ADAM15: variants seen among roughly 807,000 people sequenced by gnomAD.
ADAM15 encodes the protein disintegrin and metalloproteinase domain-containing protein 15.
A neutral mutation model predicts 113.8 loss-of-function variants in ADAM15; 77 were observed. The ratio of observed to expected loss-of-function variants is 0.68; its 90% CI spans 0.56 to 0.82. The LOEUF (loss-of-function observed/expected upper bound fraction) is 0.82. ADAM15 is among the 40% of genes least tolerant of loss of function. The pLI is 0.00. For missense variants in ADAM15, 963 were observed against 1,120.1 expected (o/e 0.86, Z 2.00); for synonymous variants, 388 against 454.1 (o/e 0.85, Z 1.85).
In ADAM15 at chr1:155,060,422, C is replaced by A. The variant is rs1662415719; in HGVS notation, c.2207+79C>A. 15 of 1,574,954 alleles carry A rather than the reference C, an allele frequency of 9.5e-6. No homozygotes were observed. The Admixed American group carries it at 2.2e-4, about 23-fold the overall frequency. ...GGCTGCCTCACCTCTGCAGCCCCTG[C>A]CACCTGGTTCTGAGCCCCAGGCCCC... On this transcript the variant is annotated intron_variant, in intron 18 of 22. Transcript: ENST00000356955.
In ADAM15 at chr1:155,058,293, C is replaced by A; in HGVS notation, c.1769C>A (p.Pro590His). The change falls in exon 15 of 23, where the codon CCT (proline) becomes CAT (histidine). Residue 590 changes from proline (P) to histidine (H), a missense_variant. Transcript: ENST00000356955. The surrounding 1 kb of genome is among the most constrained non-coding windows in gnomAD (Gnocchi z 4.3). ...QLQCQTGRTQPLLGSIRDLLW... is the reference protein window; with the variant it reads ...QLQCQTGRTQHLLGSIRDLLW... ...CAGTGCCAGACAGGTAGGACCCAGC[C>A]TCTGCTGGGCTCCATCCGGGATCTA... is the stretch of plus-strand genomic sequence containing the variant. 1 of 1,614,032 alleles carries A rather than the reference C, an allele frequency of 6.2e-7. No individual in the cohort carries two copies. Among genetic ancestry groups the A allele is most frequent in the Non-Finnish European group, 8.5e-7 (1 of 1,180,030 alleles).
rs778284395 is a variant in ADAM15 at position 155,061,412 on chromosome 1, C to CA, written c.2278-2dup. 2 of 1,613,126 alleles carry CA rather than the reference C, an allele frequency of 1.2e-6. No homozygotes were observed. Among genetic ancestry groups the CA allele is most frequent in the Non-Finnish European group, 1.7e-6 (2 of 1,179,634 alleles). ...TGCCTATCTGCCCCTCCTGCCCTCT[C>CA]AGCAGGCTAGTGCTCTCAGCTTCCC... is the stretch of plus-strand genomic sequence containing the variant. On this transcript the variant is annotated splice_region_variant and splice_polypyrimidine_tract_variant and intron_variant, in intron 19 of 22. Transcript: ENST00000356955.
In ADAM15 at chr1:155,062,348, C is replaced by G; in HGVS notation, c.2528C>G (p.Pro843Arg). ...CTGCCCGGCCCAGGGGCTGGAATCC[C>G]GCCCCTAGTGGTACCCTCCAGGTAG... is the stretch of plus-strand genomic sequence containing the variant. ...GDLPGPGAGIPPLVVPSRPAP... is the reference protein window; with the variant it reads ...GDLPGPGAGIRPLVVPSRPAP... Residue 843 changes from proline to arginine, a missense_variant, in exon 22 of 23, where the codon CCG (proline) becomes CGG (arginine). Pro to Arg is a moderately radical substitution (Grantham distance 103). Coordinates refer to ENST00000356955, the MANE Select transcript of ADAM15 (RefSeq NM_207197.3). The surrounding 1 kb of genome is among the most constrained non-coding windows in gnomAD (Gnocchi z 7.0). 6.4e-7 allele frequency: 1 copy of G among 1,573,672 alleles called. No individual in the cohort carries two copies. The highest frequency in any genetic ancestry group is 8.6e-7 in the Non-Finnish European group (1 of 1,158,708).
At chr1:155,051,538 G>T in intron 1 of ADAM15, 73 bp downstream of exon 1, 1 of 1,379,578 alleles carries the variant, frequency 7.2e-7, no homozygotes, top group South Asian at 1.4e-5. Context: ...AGGCATTAGG[G>T]TAATGGGGCC....
chr1:155,052,439 C>T (rs1661173046), intron 1 of ADAM15: 4 of 1,476,016 alleles, frequency 2.7e-6, no homozygotes, highest in African/African-American at 1.4e-5. Context: ...CTGCGCAAGC[C>T]GAAAGTCTTT....
chr1:155,051,536 G>T, intron 1 of ADAM15, 71 bp downstream of exon 1: 1 of 1,386,730 alleles, frequency 7.2e-7, no homozygotes, highest in Non-Finnish European at 9.6e-7. Flanking sequence ...GAAGGCATTA[G>T]GGTAATGGGG....
In ADAM15 at chr1:155,051,441, C is replaced by T. The variant is rs769883732; in HGVS notation, c.55C>T (p.Pro19Ser). ...LGLLGAGSPLPSWPLPNIGGT... is the reference protein window; with the variant it reads ...LGLLGAGSPLSSWPLPNIGGT... ...GCTCCTGGGCGCGGGCAGCCCTCTGCCTTCCTGGCCGCTCCCAAATATAGG... is the reference window on the plus strand; with the variant it reads ...GCTCCTGGGCGCGGGCAGCCCTCTGTCTTCCTGGCCGCTCCCAAATATAGG... Residue 19 changes from proline to serine, a missense_variant, in exon 1 of 23, where the codon CCT becomes TCT. Pro to Ser is a moderately conservative substitution (Grantham distance 74, BLOSUM62 -1). Transcript: ENST00000356955. 306 of 1,568,074 alleles carry T rather than the reference C, an allele frequency of 2.0e-4. No individual in the cohort carries two copies. Among genetic ancestry groups the T allele is most frequent in the South Asian group, 4.1e-4 (35 of 85,550 alleles).
rs749811324 is a variant in ADAM15, at chr1:155,060,256, T to C, written c.2120T>C (p.Val707Ala). The part of the protein sequence containing the change: ...GLLLSLLVLL[V>A]LVMLGASYWY... ...CTCCTCAGCCTCCTGGTCTTATTGG[T>C]CCTGGTGATGCTTGGTGCCAGCTAC... The change falls in exon 18 of 23, where the codon GTC becomes GCC. Residue 707 changes from valine (V) to alanine (A), a missense_variant. Physicochemically the swap from Val to Ala is moderately conservative, Grantham distance 64. Coordinates refer to ENST00000356955, the MANE Select transcript of ADAM15 (RefSeq NM_207197.3). 4 of 1,613,978 alleles carry C rather than the reference T, an allele frequency of 2.5e-6. No individual in the cohort carries two copies. In the Admixed American group the frequency reaches 6.7e-5, roughly 27 times the overall value.
At chr1:155,051,668 CCCTGCCT>C (rs1310912104) in intron 1 of ADAM15, 5 of 472,738 alleles carry the variant, frequency 1.1e-5, no homozygotes, top group South Asian at 3.1e-5. Flanking sequence ...TGCCGGCGCC[CCCTGCCT>C]CCTGCCTGGT....
intron 20 of ADAM15, 108 bp from the exon 21 acceptor site, chr1:155,061,796 G>GC (rs1351162735): frequency 4.9e-6 from 6 of 1,228,562 alleles, no homozygotes; most frequent in African/African-American, 4.6e-5. Flanking sequence ...ATTCTCTCCT[G>GC]CCCCCTGGCT....
At position 155,056,935 on chromosome 1, in the gene ADAM15, A is replaced by C. The variant is rs1571613222; in HGVS notation, c.1000-18A>C. 6.5e-7 allele frequency: 1 copy of C among 1,541,080 alleles called. No homozygotes were observed. The highest frequency in any genetic ancestry group is 1.3e-5 in the South Asian group (1 of 79,164). On this transcript the variant is annotated intron_variant, in intron 10 of 22. Coordinates refer to ENST00000356955, the MANE Select transcript of ADAM15 (RefSeq NM_207197.3). This position sits in a 1 kb window ranked among gnomAD's most constrained non-coding sequence, Gnocchi z 4.0. Reference sequence around the variant, plus strand: ...GGCAGGCTGGGACTGGACCTACAGTACCCCTCCCCAATGACAGGACCACTC... The same window carrying C: ...GGCAGGCTGGGACTGGACCTACAGTCCCCCTCCCCAATGACAGGACCACTC...
Position 155,060,720 on chromosome 1 carries a change from C to G in ADAM15, c.2208-43C>G, listed in dbSNP as rs762302970. On this transcript the variant is annotated intron_variant, in intron 18 of 22. Transcript: ENST00000356955. ...GATGGCATATGGTAGAAAACAGGGT[C>G]TGAGGCTGGGCCCTCTCCCTTCTTG... 8 of 1,589,054 alleles carry G rather than the reference C, an allele frequency of 5.0e-6. No individual in the cohort carries two copies. In the South Asian group the frequency reaches 8.8e-5, roughly 18 times the overall value.
rs941837122 is a variant in ADAM15 at position 155,062,311 on chromosome 1, C to T, written c.2491C>T (p.Pro831Ser). Residue 831 changes from proline to serine, a missense_variant, in exon 22 of 23, where the codon CCA becomes TCA. Pro to Ser is a moderately conservative substitution (Grantham distance 74). Transcript: ENST00000356955. This position sits in a 1 kb window ranked among gnomAD's most constrained non-coding sequence, Gnocchi z 7.0. Reference sequence around the variant, plus strand: ...GCCTGCCGACCCCCAGGGCCGGTGCCCATCGGGTGACCTGCCCGGCCCAGG... The same window carrying T: ...GCCTGCCGACCCCCAGGGCCGGTGCTCATCGGGTGACCTGCCCGGCCCAGG... ...PLPADPQGRC[P>S]SGDLPGPGAG... The T allele has an allele frequency of 6.6e-7, 1 of 1,514,198 alleles. No homozygotes were observed. The highest frequency in any genetic ancestry group is 8.9e-7 in the Non-Finnish European group (1 of 1,127,570). 93.8% of individuals were successfully genotyped at this position (1,514,198 alleles called of 1,614,324 possible). A position where few individuals can be genotyped will look rare whatever the true frequency, so the allele number is the denominator to read the frequency against.
In ADAM15 at chr1:155,062,731, C is replaced by T. The variant is rs1336260769; in HGVS notation, c.*229C>T. The stretch of plus-strand genomic sequence containing the variant: ...ACGGGATTGAGGAAGGTCCGCACAG[C>T]CTGTCTCTGCTCAGTTGCAATAAAC... On this transcript the variant is annotated 3_prime_UTR_variant, in exon 23 of 23. Coordinates refer to ENST00000356955, the MANE Select transcript of ADAM15 (RefSeq NM_207197.3). This position sits in a 1 kb window ranked among gnomAD's most constrained non-coding sequence, Gnocchi z 7.0. 7 of 574,240 alleles carry T rather than the reference C, an allele frequency of 1.2e-5. No homozygotes were observed. Among genetic ancestry groups the T allele is most frequent in the Non-Finnish European group, 2.1e-5 (7 of 326,914 alleles). 35.6% of individuals were successfully genotyped at this position (574,240 alleles called of 1,614,324 possible).
chr1:155,053,419 C>T lies in ADAM15; in HGVS notation c.189C>T (p.Thr63=). 2 of 1,614,002 alleles carry T rather than the reference C, an allele frequency of 1.2e-6. No homozygotes were observed. Among genetic ancestry groups the T allele is most frequent in the South Asian group, 1.1e-5 (1 of 91,084 alleles). The change falls in exon 3 of 23, where the codon ACC becomes ACT. Residue 63 remains threonine, a splice_region_variant and synonymous_variant. Transcript: ENST00000356955. ...LPISLKKVLQ[T]SLPEPLRIKL... ...GACCTGCCCTCTGGTGCCCACAGAC[C>T]AGTCTGCCTGAGCCCCTGAGGATCA...
intron 6 of ADAM15, among the ~76,000 whole-genome samples, chr1:155,054,800 G>A (rs886136490): frequency 6.6e-6 from 1 of 152,106 alleles, no homozygotes; most frequent in Non-Finnish European, 1.5e-5. Context: ...AGCCCAGGAG[G>A]CAGAGGTTTC....
Position 155,056,581 on chromosome 1 carries a change from T to TA in ADAM15, c.999+112dup. 9.5e-7 allele frequency: 1 copy of TA among 1,056,686 alleles called. No individual in the cohort carries two copies. Among genetic ancestry groups the TA allele is most frequent in the Non-Finnish European group, 1.4e-6 (1 of 716,748 alleles). The allele number at this position is 1,056,686 out of a possible 1,614,324, so 65.5% of individuals were successfully genotyped here. A position where few individuals can be genotyped will look rare whatever the true frequency, so the allele number is the denominator to read the frequency against. On this transcript the variant is annotated intron_variant, in intron 10 of 22. Coordinates refer to ENST00000356955, the MANE Select transcript of ADAM15 (RefSeq NM_207197.3). This position sits in a 1 kb window ranked among gnomAD's most constrained non-coding sequence, Gnocchi z 4.0. Reference sequence around the variant, plus strand: ...AGTTGCCCAACCCCAAAGCTACAGGTATAGAGGGTGGAGGTACGTGATGTG... The same window carrying TA: ...AGTTGCCCAACCCCAAAGCTACAGGTAATAGAGGGTGGAGGTACGTGATGTG...
rs754324751 is a variant in ADAM15, at chr1:155,051,380, C to T, written c.-7C>T. 9 of 1,507,016 alleles carry T rather than the reference C, an allele frequency of 6.0e-6. No homozygotes were observed. In the South Asian group the frequency reaches 1.0e-4, roughly 17 times the overall value. 93.4% of individuals were successfully genotyped at this position (1,507,016 alleles called of 1,614,324 possible). A position where few individuals can be genotyped will look rare whatever the true frequency, so the allele number is the denominator to read the frequency against. On this transcript the variant is annotated 5_prime_UTR_variant, in exon 1 of 23. Coordinates refer to ENST00000356955, the MANE Select transcript of ADAM15 (RefSeq NM_207197.3). ...GCTGCCCTCGCCCGGCCCGGAGCGC[C>T]GCTGCCATGCGGCTGGCGCTGCTCT...
intron 19 of ADAM15, 188 bp downstream of exon 19, chr1:155,061,020 G>T (rs1352771511): frequency 1.6e-6 from 1 of 624,822 alleles, no homozygotes; most frequent in Non-Finnish European, 2.8e-6. Flanking sequence ...GAGTCCAGAA[G>T]AGTGGGGAGG....
Sources: gnomAD v4.1 joint callset for allele counts (sites outside exome capture counted in the v4.1 genomes callset) on GRCh38, gnomAD v4.1.1 for gene constraint, Gnocchi (gnomAD v3.1) non-coding constraint, MANE v1.5 for transcripts, NCBI Gene and HGNC (gene_info 2026-07-23, HGNC 2026-07-21) for gene names.